The following CELF4 variants were observed in gnomAD, a reference collection of about 807,000 sequenced individuals.
The protein encoded by CELF4 is CUGBP Elav-like family member 4, also known as CUG-BP- and ETR-3-like factor 4.
CELF4 carries 18 observed loss-of-function variants against 59.9 expected under a neutral mutation model. The observed-to-expected ratio is 0.30, with a 90% CI of 0.21 to 0.45. The LOEUF is 0.45. Among genes scored for constraint, CELF4 ranks in the 20% least tolerant of loss-of-function variants. The pLI, the probability that CELF4 is intolerant of heterozygous loss-of-function variation, is 1.00. For synonymous variants in CELF4, 261 were observed against 267.1 expected (o/e 0.98, Z 0.22); for missense variants, 456 against 689.0 (o/e 0.66, Z 3.79).
At chr18:37,359,712 C>A (rs556474360) in intron 2 of CELF4, among the ~76,000 whole-genome samples, 8 of 152,162 alleles carry the variant, frequency 5.3e-5, no homozygotes, top group Admixed American at 4.6e-4. Context: ...ACATGCCCAG[C>A]TAATTTTTGT....
chr18:37,551,297 C>A (rs1424885914), intron 1 of CELF4, among the ~76,000 whole-genome samples: 1 of 152,186 alleles, frequency 6.6e-6, no homozygotes, highest in East Asian at 1.9e-4. Flanking sequence ...AAGAGCCAGC[C>A]CCAAAGGCCA....
At position 37,253,744 on chromosome 18, in the gene CELF4, G is replaced by A. The variant is rs1600265972; in HGVS notation, c.*44+23C>T. 2 of 1,537,402 alleles carry A rather than the reference G, an allele frequency of 1.3e-6. No homozygotes were observed. The highest frequency in any genetic ancestry group is 4.9e-5 in the East Asian group (2 of 40,590). The stretch of plus-strand genomic sequence containing the variant: ...TGGTTCCCTCCCAACCCCCGTCCCC[G>A]CGCCCCGGCCGCCCCCGGTTACCTG... On this transcript the variant is annotated intron_variant, in intron 12 of 12. Coordinates refer to ENST00000420428, the MANE Select transcript of CELF4 (RefSeq NM_020180.4). This position sits in a 1 kb window ranked among gnomAD's most constrained non-coding sequence, Gnocchi z 4.5.
chr18:37,554,236 C>A (rs2099984107), intron 1 of CELF4, among the ~76,000 whole-genome samples: 1 of 152,148 alleles, frequency 6.6e-6, no homozygotes, highest in African/African-American at 2.4e-5. Flanking sequence ...GCAAGGAAGG[C>A]TGGGTTGTGT....
intron 3 of CELF4, among the ~76,000 whole-genome samples, chr18:37,278,858 C>T (rs1433363406): frequency 4.6e-5 from 7 of 152,188 alleles, no homozygotes; most frequent in African/African-American, 1.7e-4. Context: ...CTGAGATGGA[C>T]AACATCTCCC....
At chr18:37,265,075 CGT>C (rs955703953) in intron 9 of CELF4, among the ~76,000 whole-genome samples, 7 of 144,596 alleles carry the variant, frequency 4.8e-5, no homozygotes, top group Non-Finnish European at 9.2e-5. Flanking sequence ...TGTGGGTGTA[CGT>C]GTGTGTACAG....
chr18:37,321,750 G>T, intron 3 of CELF4, 53 bp downstream of exon 3: 1 of 1,314,850 alleles, frequency 7.6e-7, no homozygotes, highest in Non-Finnish European at 1.1e-6. Flanking sequence ...GTCGGGAAAA[G>T]GAGGGAGGAG....
intron 1 of CELF4, among the ~76,000 whole-genome samples, chr18:37,508,200 G>A (rs186183867): frequency 1.1e-3 from 173 of 152,250 alleles, no homozygotes; most frequent in Middle Eastern, 3.4e-3. Context: ...CTTGATCACC[G>A]CATCTCTAAG....
At chr18:37,453,320 G>T (rs2099769289) in intron 2 of CELF4, among the ~76,000 whole-genome samples, 1 of 152,126 alleles carries the variant, frequency 6.6e-6, no homozygotes, top group Admixed American at 6.5e-5. Flanking sequence ...AAAACAGCTT[G>T]TGTTTGTGGG....
At chr18:37,290,512 G>A (rs966190973) in intron 3 of CELF4, among the ~76,000 whole-genome samples, 2 of 152,166 alleles carry the variant, frequency 1.3e-5, no homozygotes, top group Non-Finnish European at 2.9e-5. Flanking sequence ...TGAGAAGTCT[G>A]GAAATGCTGA....
At chr18:37,288,685 G>A (rs1295193371) in intron 3 of CELF4, among the ~76,000 whole-genome samples, 5 of 152,166 alleles carry the variant, frequency 3.3e-5, no homozygotes, top group African/African-American at 1.2e-4. Flanking sequence ...AGGGCAGGCG[G>A]CTCTGGGCAC....
intron 2 of CELF4, among the ~76,000 whole-genome samples, chr18:37,414,656 C>T (rs1226904724): frequency 6.6e-6 from 1 of 151,994 alleles, no homozygotes; most frequent in African/African-American, 2.4e-5. Flanking sequence ...CACCACCGTG[C>T]CCGGCTAATT....
rs767988257 is a variant in CELF4, at chr18:37,253,784, T to TCC, written c.*25_*26dup. 1 of 1,579,028 alleles carries TCC rather than the reference T, an allele frequency of 6.3e-7. No individual in the cohort carries two copies. Among genetic ancestry groups the TCC allele is most frequent in the Admixed American group, 1.7e-5 (1 of 57,972 alleles). ...CCGGTTACCTGTGCGAGTCCTGGTC[T>TCC]CCCCCGGGGGACGCTCCCGCCGGCG... On this transcript the variant is annotated 3_prime_UTR_variant, in exon 12 of 13. Coordinates refer to ENST00000420428, the MANE Select transcript of CELF4 (RefSeq NM_020180.4). This position sits in a 1 kb window ranked among gnomAD's most constrained non-coding sequence, Gnocchi z 4.5.
chr18:37,336,898 C>A (rs2097788503), intron 2 of CELF4, among the ~76,000 whole-genome samples: 1 of 151,654 alleles, frequency 6.6e-6, no homozygotes, highest in Non-Finnish European at 1.5e-5. Context: ...TCACCCCAAC[C>A]CCCGGCGGGG....
intron 1 of CELF4, among the ~76,000 whole-genome samples, chr18:37,542,157 C>T: frequency 6.6e-6 from 1 of 152,100 alleles, no homozygotes; most frequent in East Asian, 1.9e-4. Context: ...TGGACTGGCT[C>T]TTGTGTACGA....
Position 37,334,853 on chromosome 18 carries a change from G to A in CELF4, c.370-12972C>T, listed in dbSNP as rs550270547. 4.6e-4 allele frequency among the ~76,000 whole-genome samples: 70 copies of A among 152,206 alleles called. 1 individual carries two copies. In the South Asian group the frequency reaches 0.011, roughly 23 times the overall value. On this transcript the variant is annotated intron_variant, in intron 2 of 12. Coordinates refer to ENST00000420428, the MANE Select transcript of CELF4 (RefSeq NM_020180.4). Reference sequence around the variant, plus strand: ...GCCCACACCAAGTAAATGACAAATCGAGAGGAAATTGCTCTTAATCCCTAC... The same window carrying A: ...GCCCACACCAAGTAAATGACAAATCAAGAGGAAATTGCTCTTAATCCCTAC...
intron 6 of CELF4, chr18:37,273,956 G>A (rs976838809): frequency 9.0e-6 from 10 of 1,112,630 alleles, no homozygotes; most frequent in Middle Eastern, 3.8e-4. Context: ...GGGGTGGTTT[G>A]CAACCAATGA....
At chr18:37,474,815 C>T (rs942487040) in intron 2 of CELF4, among the ~76,000 whole-genome samples, 13 of 152,198 alleles carry the variant, frequency 8.5e-5, no homozygotes, top group African/African-American at 3.1e-4. Flanking sequence ...CTGCCCATGA[C>T]CCCTTCTCTT....
intron 3 of CELF4, among the ~76,000 whole-genome samples, chr18:37,307,842 G>C (rs1020554871): frequency 1.3e-5 from 2 of 152,194 alleles, no homozygotes; most frequent in African/African-American, 4.8e-5. Context: ...AGGGTTTGGA[G>C]CTGGGAAGGC....
intron 10 of CELF4, among the ~76,000 whole-genome samples, chr18:37,263,387 G>A (rs2075879353): frequency 1.3e-5 from 2 of 152,174 alleles, no homozygotes; most frequent in East Asian, 1.9e-4. Flanking sequence ...AACCTACATC[G>A]GAGGGCTCCA....
Sources: allele counts gnomAD v4.1 joint callset (sites outside exome capture counted in the v4.1 genomes callset), GRCh38; gene constraint gnomAD v4.1.1; non-coding constraint Gnocchi (gnomAD v3.1); transcripts MANE v1.5; gene names NCBI Gene and HGNC (gene_info 2026-07-23, HGNC 2026-07-21).